Variants in TENM4 observed in about 807,000 individuals in gnomAD.
The protein encoded by TENM4 is teneurin-4.
A neutral mutation model predicts 243.3 loss-of-function variants in TENM4; 82 were observed. That is an observed-to-expected ratio of 0.34 (90% confidence interval 0.28 to 0.40). The LOEUF (loss-of-function observed/expected upper bound fraction) is 0.40, where lower values mean the gene tolerates loss of function less well. TENM4 is among the 10% of genes least tolerant of loss of function. The pLI is 1.00. For synonymous variants in TENM4, 1,412 were observed against 1,456.3 expected (o/e 0.97, Z 0.69); for missense variants, 3,138 against 3,673.3 (o/e 0.85, Z 3.77).
At chr11:79,420,221 T>A (rs977078896) in intron 1 of TENM4, among the ~76,000 whole-genome samples, 3 of 152,226 alleles carry the variant, frequency 2.0e-5, no homozygotes, top group African/African-American at 7.2e-5. Flanking sequence ...CTCTTTGTAT[T>A]TAAATACTTT....
intron 6 of TENM4, among the ~76,000 whole-genome samples, chr11:78,922,849 C>T (rs745968317): frequency 2.6e-5 from 4 of 152,118 alleles, no homozygotes; most frequent in African/African-American, 4.8e-5. Context: ...GATGAGAATC[C>T]GCCAAGGAAG....
Position 79,079,847 on chromosome 11 carries a change from A to AG in TENM4, c.-65-9839_-65-9838insC, listed in dbSNP as rs989564609. On this transcript the variant is annotated intron_variant, in intron 4 of 33. Transcript: ENST00000278550. ...ACTTTGTTTCAAAAAAAAAAAAAAA[A>AG]AAGAAGAAAGAAAATGTGTTCGGAT... 5.3e-5 allele frequency among the ~76,000 whole-genome samples: 8 copies of AG among 151,704 alleles called. No homozygotes were observed. The South Asian group carries it at 6.2e-4, about 12-fold the overall frequency.
At chr11:78,697,818 C>T (rs1035540858) in intron 28 of TENM4, among the ~76,000 whole-genome samples, 2 of 152,110 alleles carry the variant, frequency 1.3e-5, no homozygotes, top group African/African-American at 4.8e-5. Context: ...CATATCCATC[C>T]AGCAAGTCAA....
At chr11:79,308,736 T>C (rs1856668120) in intron 1 of TENM4, among the ~76,000 whole-genome samples, 2 of 152,128 alleles carry the variant, frequency 1.3e-5, no homozygotes, top group Admixed American at 6.5e-5. Flanking sequence ...CCCTGGTGCC[T>C]CCCAGGCCAT....
chr11:79,329,530 A>T (rs956831535), intron 1 of TENM4, among the ~76,000 whole-genome samples: 1 of 152,204 alleles, frequency 6.6e-6, no homozygotes, highest in Admixed American at 6.5e-5. Flanking sequence ...AGGTAAGTAG[A>T]CAGGAGGACT....
intron 2 of TENM4, among the ~76,000 whole-genome samples, chr11:79,278,351 A>G (rs775170124): frequency 6.6e-6 from 1 of 152,156 alleles, no homozygotes; most frequent in Non-Finnish European, 1.5e-5. Context: ...TGGCCGGACA[A>G]ATGGACTGAT....
At chr11:79,209,904 C>G (rs765756970) in intron 3 of TENM4, among the ~76,000 whole-genome samples, 6 of 152,208 alleles carry the variant, frequency 3.9e-5, no homozygotes, top group Non-Finnish European at 8.8e-5. Flanking sequence ...AGTTTGATTA[C>G]TGGAAATGGG....
chr11:78,821,199 T>G (rs1423826574), intron 12 of TENM4, among the ~76,000 whole-genome samples: 1 of 152,254 alleles, frequency 6.6e-6, no homozygotes, highest in Admixed American at 6.5e-5. Flanking sequence ...GATTGTTTCC[T>G]TATTATATTC....
intron 1 of TENM4, among the ~76,000 whole-genome samples, chr11:79,427,980 C>G (rs1234043971): frequency 1.3e-5 from 2 of 152,178 alleles, no homozygotes; most frequent in Non-Finnish European, 2.9e-5. Context: ...CTGACAGATT[C>G]CATTCACTCA....
chr11:78,914,163 G>A (rs555813501), intron 6 of TENM4, among the ~76,000 whole-genome samples: 2 of 152,272 alleles, frequency 1.3e-5, no homozygotes, highest in East Asian at 1.9e-4. Flanking sequence ...CTTTGGGGAA[G>A]TCCCTTTCTT....
chr11:79,258,060 G>T (rs745483580), intron 2 of TENM4, among the ~76,000 whole-genome samples: 19 of 152,320 alleles, frequency 1.2e-4, no homozygotes, highest in Middle Eastern at 6.8e-3. Context: ...GGAAAACTTG[G>T]TGTTATCCCC....
chr11:78,670,576 A>G, intron 31 of TENM4, 25 bp from the exon 32 acceptor site: 2 of 1,580,084 alleles, frequency 1.3e-6, no homozygotes, highest in Non-Finnish European at 1.7e-6. Context: ...AAACCAAGAG[A>G]TGAGAGGAGG....
intron 1 of TENM4, among the ~76,000 whole-genome samples, chr11:79,303,317 T>TG (rs1856578757): frequency 6.6e-6 from 1 of 152,214 alleles, no homozygotes; most frequent in Non-Finnish European, 1.5e-5. Context: ...TGGGTGACCT[T>TG]GGGTGGCATA....
At chr11:78,663,970 A>T (rs1858090553) in intron 32 of TENM4, among the ~76,000 whole-genome samples, 1 of 152,136 alleles carries the variant, frequency 6.6e-6, no homozygotes, top group Non-Finnish European at 1.5e-5. Flanking sequence ...TAGAAAGGGA[A>T]ATTTGGAGCC....
At chr11:78,913,971 AAAG>A in intron 6 of TENM4, among the ~76,000 whole-genome samples, 1 of 152,324 alleles carries the variant, frequency 6.6e-6, no homozygotes, top group South Asian at 2.1e-4. Flanking sequence ...AGAAGAGCTT[AAAG>A]AAGGAGTATG....
intron 1 of TENM4, among the ~76,000 whole-genome samples, chr11:79,377,466 C>G (rs948543981): frequency 6.6e-6 from 1 of 152,180 alleles, no homozygotes; most frequent in African/African-American, 2.4e-5. Context: ...TAACCCTGAG[C>G]AAGTCCCTTC....
chr11:79,015,881 T>C (rs1021935683), intron 6 of TENM4, among the ~76,000 whole-genome samples: 6 of 152,326 alleles, frequency 3.9e-5, no homozygotes, highest in African/African-American at 1.4e-4. Context: ...GCATGAATTC[T>C]GATAAGGTGG....
chr11:79,055,044 T>G (rs1859907265), intron 6 of TENM4, among the ~76,000 whole-genome samples: 1 of 151,632 alleles, frequency 6.6e-6, no homozygotes, highest in East Asian at 2.0e-4. Flanking sequence ...GGAGAATTGC[T>G]TGAACCCAGG....
chr11:78,829,212 G>A (rs1405646766), intron 12 of TENM4, among the ~76,000 whole-genome samples: 1 of 152,186 alleles, frequency 6.6e-6, no homozygotes, highest in Non-Finnish European at 1.5e-5. Context: ...CCCATGTGAA[G>A]TCTCTGACTG....
Sources: allele counts gnomAD v4.1 joint callset (sites outside exome capture counted in the v4.1 genomes callset), GRCh38; gene constraint gnomAD v4.1.1; transcripts MANE v1.5; gene names NCBI Gene and HGNC (gene_info 2026-07-23, HGNC 2026-07-21).